The following RBMS3 variants were observed in gnomAD, a reference collection of about 807,000 sequenced individuals.
RBMS3 encodes the protein RNA binding motif single stranded interacting protein 3.
A neutral mutation model predicts 66.8 loss-of-function variants in RBMS3; 27 were observed. The ratio of observed to expected loss-of-function variants is 0.40; its 90% CI spans 0.30 to 0.56. The LOEUF (loss-of-function observed/expected upper bound fraction) is 0.56. RBMS3 is among the 20% of genes least tolerant of loss of function. RBMS3 has a pLI of 0.40. For synonymous variants in RBMS3, 188 were observed against 183.0 expected, an observed-to-expected ratio of 1.03 and a Z score of -0.22; for missense variants, 513 against 549.5, an observed-to-expected ratio of 0.93 and a Z score of 0.66.
chr3:29,791,555 TC>T (rs1002699833), intron 6 of RBMS3, among the ~76,000 whole-genome samples: 60 of 152,228 alleles, frequency 3.9e-4, no homozygotes, highest in African/African-American at 1.3e-3. Context: ...GGCTTTGAAC[TC>T]GGACCAGTCT....
At chr3:29,473,976 C>T (rs1018182355) in intron 2 of RBMS3, among the ~76,000 whole-genome samples, 39 of 152,220 alleles carry the variant, frequency 2.6e-4, no homozygotes, top group Admixed American at 1.6e-3. Context: ...CTGAAGAGCT[C>T]CTCAAGCGCC....
intron 11 of RBMS3, among the ~76,000 whole-genome samples, chr3:29,941,632 T>G (rs1407259483): frequency 6.6e-6 from 1 of 151,768 alleles, no homozygotes; most frequent in Non-Finnish European, 1.5e-5. Flanking sequence ...GAGTGTGTAT[T>G]TGTAAATATT....
At chr3:29,968,873 C>A (rs909004571) in intron 12 of RBMS3, among the ~76,000 whole-genome samples, 1 of 152,120 alleles carries the variant, frequency 6.6e-6, no homozygotes, top group Admixed American at 6.5e-5. Context: ...CACCATGATA[C>A]CTGAATGCGT....
chr3:29,538,426 C>G (rs1341529345), intron 3 of RBMS3, among the ~76,000 whole-genome samples: 2 of 152,142 alleles, frequency 1.3e-5, no homozygotes, highest in African/African-American at 4.8e-5. Flanking sequence ...TGCGAAGTTT[C>G]CTGGCAACCC....
intron 4 of RBMS3, among the ~76,000 whole-genome samples, chr3:29,702,199 C>T (rs936306793): frequency 6.6e-6 from 1 of 151,984 alleles, no homozygotes; most frequent in Admixed American, 6.6e-5. Context: ...TTATGTCTAG[C>T]TAAAGGATTG....
intron 4 of RBMS3, among the ~76,000 whole-genome samples, chr3:29,600,968 A>T (rs549510457): frequency 2.0e-5 from 3 of 152,146 alleles, no homozygotes; most frequent in African/African-American, 7.2e-5. Flanking sequence ...TACCTAGCTG[A>T]TTATTCAGAA....
intron 3 of RBMS3, among the ~76,000 whole-genome samples, chr3:29,558,359 A>C (rs2046429782): frequency 6.6e-6 from 1 of 152,186 alleles, no homozygotes; most frequent in Admixed American, 6.5e-5. Flanking sequence ...GGGAACTAGC[A>C]ATGCAGATTA....
At chr3:29,516,459 T>C (rs1274328832) in intron 3 of RBMS3, among the ~76,000 whole-genome samples, 2 of 152,114 alleles carry the variant, frequency 1.3e-5, no homozygotes, top group African/African-American at 2.4e-5. Context: ...GTTTTTGTTT[T>C]TTGGTTTTGT....
At chr3:29,521,557 C>T (rs575402102) in intron 3 of RBMS3, among the ~76,000 whole-genome samples, 3 of 152,280 alleles carry the variant, frequency 2.0e-5, no homozygotes, top group East Asian at 3.9e-4. Flanking sequence ...AACTTTCTTT[C>T]TGAACTGGCA....
intron 6 of RBMS3, among the ~76,000 whole-genome samples, chr3:29,823,519 A>T (rs2058125934): frequency 6.6e-6 from 1 of 152,174 alleles, no homozygotes; most frequent in Non-Finnish European, 1.5e-5. Context: ...CTACTATAAA[A>T]CATTTTAAAA....
chr3:29,302,866 G>T (rs1242741402), intron 1 of RBMS3, among the ~76,000 whole-genome samples: 1 of 151,926 alleles, frequency 6.6e-6, no homozygotes, highest in Non-Finnish European at 1.5e-5. Context: ...CATTTTATCA[G>T]CAAACTTCCT....
At chr3:29,961,507 C>T (rs1221090933) in intron 12 of RBMS3, among the ~76,000 whole-genome samples, 1 of 152,120 alleles carries the variant, frequency 6.6e-6, no homozygotes, top group Non-Finnish European at 1.5e-5. Context: ...CTATACTAGT[C>T]TGTTCTCATG....
intron 7 of RBMS3, among the ~76,000 whole-genome samples, chr3:29,873,859 CT>C (rs748875162): frequency 3.4e-4 from 52 of 151,958 alleles, no homozygotes; most frequent in Non-Finnish European, 6.3e-4. Flanking sequence ...TGTTTTTTGT[CT>C]TTAGTTCTGT....
chr3:29,871,388 T>C (rs2059488201), intron 7 of RBMS3, among the ~76,000 whole-genome samples: 1 of 152,128 alleles, frequency 6.6e-6, no homozygotes, highest in South Asian at 2.1e-4. Flanking sequence ...GGTTTTTTGT[T>C]TGTTTGTTTG....
chr3:29,507,933 T>C (rs1223135823), intron 3 of RBMS3, among the ~76,000 whole-genome samples: 2 of 152,124 alleles, frequency 1.3e-5, no homozygotes, highest in African/African-American at 2.4e-5. Flanking sequence ...ATGACTAAAG[T>C]AGTATTAGCA....
intron 1 of RBMS3, among the ~76,000 whole-genome samples, chr3:29,310,640 C>T (rs2034315329): frequency 6.6e-6 from 1 of 151,536 alleles, no homozygotes; most frequent in Admixed American, 6.6e-5. Context: ...TTTTCTCTTC[C>T]TGATGAACAT....
chr3:29,409,046 A>G (rs962504503), intron 1 of RBMS3, among the ~76,000 whole-genome samples: 3 of 152,228 alleles, frequency 2.0e-5, no homozygotes, highest in Admixed American at 6.5e-5. Flanking sequence ...TGCTCGTAAT[A>G]TAGATGAGAA....
At chr3:29,624,579 T>C (rs2048989374) in intron 4 of RBMS3, among the ~76,000 whole-genome samples, 1 of 152,078 alleles carries the variant, frequency 6.6e-6, no homozygotes, top group Non-Finnish European at 1.5e-5. Flanking sequence ...TTCTGATCAC[T>C]GGGAAGAAGA....
chr3:29,678,150 T>G (rs941493322), intron 4 of RBMS3, among the ~76,000 whole-genome samples: 1 of 152,210 alleles, frequency 6.6e-6, no homozygotes, highest in Non-Finnish European at 1.5e-5. Context: ...TCAAGTTCTC[T>G]GCCCCATTTG....
Sources: gnomAD v4.1 joint callset for allele counts (sites outside exome capture counted in the v4.1 genomes callset) on GRCh38, gnomAD v4.1.1 for gene constraint, MANE v1.5 for transcripts, NCBI Gene and HGNC (gene_info 2026-07-23, HGNC 2026-07-21) for gene names.